ACACA: variants seen among roughly 807,000 people sequenced by gnomAD.
ACACA encodes the protein acetyl-CoA carboxylase alpha.
A neutral mutation model predicts 296.1 loss-of-function variants in ACACA; 103 were observed. The ratio of observed to expected loss-of-function variants is 0.35; its 90% CI spans 0.30 to 0.41. ACACA has a LOEUF of 0.41. Ranked by LOEUF, ACACA falls within the 10% of genes least tolerant of loss-of-function variation. ACACA has a pLI of 1.00. For synonymous variants in ACACA, 953 were observed against 1,038.6 expected (o/e 0.92, Z 1.58); for missense variants, 1,554 against 2,989.7 (o/e 0.52, Z 11.20).
Position 37,167,270 on chromosome 17 carries a change from C to CT in ACACA, c.5080-5221dup, listed in dbSNP as rs11387933. Reference sequence around the variant, plus strand: ...TTCACATACACAAAAATGGTATTTTCTTTTTTTTTTTTTTTTTTTGAGACA... The same window carrying CT: ...TTCACATACACAAAAATGGTATTTTCTTTTTTTTTTTTTTTTTTTTGAGACA... On this transcript the variant is annotated intron_variant, in intron 41 of 55. Transcript: ENST00000616317. Among the ~76,000 whole-genome samples the CT allele has an allele frequency of 9.8e-3, 1,030 of 105,522 alleles. 8 individuals carry two copies. Among genetic ancestry groups the CT allele is most frequent in the Middle Eastern group, 0.024 (4 of 170 alleles). 69.2% of individuals were successfully genotyped at this position (105,522 alleles called of 152,430 possible). A position where few individuals can be genotyped will look rare whatever the true frequency, so the allele number is the denominator to read the frequency against.
rs775882723 is a variant in ACACA at position 37,259,533 on chromosome 17, CAAA to C, written c.1330-6_1330-4del. On this transcript the variant is annotated splice_polypyrimidine_tract_variant and splice_region_variant and intron_variant, in intron 11 of 55. Coordinates refer to ENST00000616317, the MANE Select transcript of ACACA (RefSeq NM_198834.3). ...ATTTTGGCAAGTTTCACCGCACACT[CAAA>C]GAAGAGAGATAAGCAAACATAAGTA... is the stretch of plus-strand genomic sequence containing the variant. 1.1e-5 allele frequency: 17 copies of C among 1,614,164 alleles called. No homozygotes were observed. Among genetic ancestry groups the C allele is most frequent in the Non-Finnish European group, 1.3e-5 (15 of 1,180,014 alleles).
intron 52 of ACACA, among the ~76,000 whole-genome samples, chr17:37,102,454 G>A (rs764455217): frequency 5.9e-5 from 9 of 151,954 alleles, no homozygotes; most frequent in Non-Finnish European, 1.0e-4. Flanking sequence ...TGCCTGCCTC[G>A]GCCTCCAAAA....
intron 41 of ACACA, among the ~76,000 whole-genome samples, chr17:37,169,064 T>TGCAATG: frequency 6.6e-6 from 1 of 152,222 alleles, no homozygotes; most frequent in Admixed American, 6.5e-5. Flanking sequence ...TTTGCACTGA[T>TGCAATG]AGGCAGGGAA....
At position 37,121,395 on chromosome 17, in the gene ACACA, C is replaced by A. The variant is rs868305862; in HGVS notation, c.6234G>T (p.Met2078Ile). The A allele has an allele frequency of 1.7e-5, 27 of 1,614,136 alleles. 1 individual carries two copies. In the Middle Eastern group the frequency reaches 4.5e-3, roughly 266 times the overall value. ...AGAAGCCTCTCCAGTTGGCAAAGAC[C>A]ATCAGAGGCAGCCCTTCCCGGTTGA... The part of the protein sequence containing the change: ...KDFNREGLPL[M>I]VFANWRGFSG... Residue 2078 changes from methionine (M) to isoleucine (I), a missense_variant, in exon 50 of 56, where the codon ATG becomes ATT. Transcript: ENST00000616317.
intron 29 of ACACA, among the ~76,000 whole-genome samples, chr17:37,220,094 C>T (rs1234307868): frequency 6.6e-6 from 1 of 152,144 alleles, no homozygotes; most frequent in Non-Finnish European, 1.5e-5. Context: ...ACAGGCATGT[C>T]CAGATGTTGG....
At chr17:37,115,642 G>C (rs1052380366) in intron 50 of ACACA, among the ~76,000 whole-genome samples, 1 of 152,094 alleles carries the variant, frequency 6.6e-6, no homozygotes, top group Non-Finnish European at 1.5e-5. Flanking sequence ...AAGAAGGGGA[G>C]ATTTTATTTA....
chr17:37,299,247 T>C (rs757585605), intron 3 of ACACA: 5 of 1,601,808 alleles, frequency 3.1e-6, no homozygotes, highest in Non-Finnish European at 1.7e-6. Flanking sequence ...TAAAGATATA[T>C]ATATTACCCA....
At chr17:37,232,591 A>G (rs978001786) in intron 25 of ACACA, among the ~76,000 whole-genome samples, 3 of 152,174 alleles carry the variant, frequency 2.0e-5, no homozygotes, top group African/African-American at 7.2e-5. Context: ...ATCAGAAAAG[A>G]GCACCGTCTT....
intron 1 of ACACA, among the ~76,000 whole-genome samples, chr17:37,398,484 C>G (rs188523853): frequency 9.8e-4 from 139 of 141,936 alleles, no homozygotes; most frequent in Admixed American, 3.1e-3. Flanking sequence ...TGTGGTTTCT[C>G]CATATTGGTC....
chr17:37,161,526 T>G, intron 42 of ACACA: 3 of 560,322 alleles, frequency 5.4e-6, no homozygotes, highest in Non-Finnish European at 9.5e-6. Flanking sequence ...AATGCATACC[T>G]ACTATTTCAT....
chr17:37,103,768 A>G (rs1181818731), intron 52 of ACACA, among the ~76,000 whole-genome samples: 1 of 151,962 alleles, frequency 6.6e-6, no homozygotes, highest in African/African-American at 2.4e-5. Flanking sequence ...CAAGTGTGGT[A>G]GCTCACACCT....
chr17:37,281,431 C>A (rs2082527505), intron 5 of ACACA, among the ~76,000 whole-genome samples: 1 of 152,162 alleles, frequency 6.6e-6, no homozygotes, highest in Non-Finnish European at 1.5e-5. Flanking sequence ...GGACCCTGTG[C>A]ATGTTTCTTT....
At chr17:37,232,490 G>A (rs901323859) in intron 25 of ACACA, among the ~76,000 whole-genome samples, 1 of 152,156 alleles carries the variant, frequency 6.6e-6, no homozygotes, top group Non-Finnish European at 1.5e-5. Flanking sequence ...AGATGTGGGA[G>A]AGGAGGAGGG....
chr17:37,268,997 C>G (rs182155319), intron 10 of ACACA, among the ~76,000 whole-genome samples: 7 of 142,850 alleles, frequency 4.9e-5, no homozygotes, highest in East Asian at 2.0e-4. Flanking sequence ...TCTCTAGACT[C>G]TCTGAGTCAC....
chr17:37,129,820 G>C (rs1471553176), intron 46 of ACACA, among the ~76,000 whole-genome samples: 4 of 152,190 alleles, frequency 2.6e-5, no homozygotes, highest in African/African-American at 7.2e-5. Context: ...TGGGATCTGA[G>C]CCTTAGGTAG....
At chr17:37,390,150 A>G (rs1162017093) in intron 1 of ACACA, among the ~76,000 whole-genome samples, 1 of 49,454 alleles carries the variant, frequency 2.0e-5, no homozygotes, top group East Asian at 5.6e-4. Context: ...GTATATATAT[A>G]TATATATATA....
intron 3 of ACACA, chr17:37,299,338 G>A: frequency 6.2e-7 from 1 of 1,613,728 alleles, no homozygotes; most frequent in East Asian, 2.2e-5. Flanking sequence ...TCCATATCAA[G>A]ATGGGAAAAG....
intron 27 of ACACA, among the ~76,000 whole-genome samples, chr17:37,223,871 G>A (rs1184844765): frequency 1.3e-5 from 2 of 152,200 alleles, no homozygotes. Flanking sequence ...AAGTGTTTAT[G>A]ACTGTTATTC....
chr17:37,141,490 A>C, intron 45 of ACACA: 2 of 235,874 alleles, frequency 8.5e-6, no homozygotes, highest in East Asian at 1.2e-4. Context: ...CTGGTCTTGA[A>C]CTCCTGGCCT....
Sources: allele counts gnomAD v4.1 joint callset (sites outside exome capture counted in the v4.1 genomes callset), GRCh38; gene constraint gnomAD v4.1.1; transcripts MANE v1.5; gene names NCBI Gene and HGNC (gene_info 2026-07-23, HGNC 2026-07-21).